XPC: variants seen among roughly 807,000 people sequenced by gnomAD.
The protein encoded by XPC is DNA repair protein complementing XP-C cells.
XPC carries 76 observed loss-of-function variants against 95.8 expected under a neutral mutation model. The ratio of observed to expected loss-of-function variants is 0.79; its 90% CI spans 0.66 to 0.96. The LOEUF (loss-of-function observed/expected upper bound fraction) is 0.96. Ranked by LOEUF, XPC falls within the 40% of genes least tolerant of loss-of-function variation. The pLI is 0.00. For missense variants in XPC, 1,146 were observed against 1,179.8 expected (o/e 0.97, Z 0.42); for synonymous variants, 442 against 442.1 (o/e 1.00, Z 0.00).
intron 15 of XPC, among the ~76,000 whole-genome samples, chr3:14,146,914 C>G (rs949958958): frequency 6.6e-6 from 1 of 152,190 alleles, no homozygotes; most frequent in South Asian, 2.1e-4. Flanking sequence ...AGGTACTGAG[C>G]GGGCCACTGC....
chr3:14,155,254 G>A lies in XPC; in HGVS notation c.2033+1081C>T, dbSNP rs559460585. ...GAGGACTCAAATCGCCCACTCTCAT[G>A]TGGGTTTCCCTACGCTTCCTTTTTC... On this transcript the variant is annotated intron_variant, in intron 10 of 15. Transcript: ENST00000285021. 3.3e-5 allele frequency among the ~76,000 whole-genome samples: 5 copies of A among 152,350 alleles called. No homozygotes were observed. In the East Asian group the frequency reaches 9.7e-4, roughly 29 times the overall value.
At chr3:14,170,577 T>A in intron 2 of XPC, 27 bp from the exon 3 acceptor site, 1 of 1,544,384 alleles carries the variant, frequency 6.5e-7, no homozygotes, top group Non-Finnish European at 8.8e-7. Flanking sequence ...GGAAGGAAGA[T>A]GAAGAAGACT....
chr3:14,165,793 A>T, intron 5 of XPC: 1 of 534,848 alleles, frequency 1.9e-6, no homozygotes, highest in Non-Finnish European at 3.3e-6. Context: ...CCTTCAAAGG[A>T]ATCATCAAAC....
In XPC at chr3:14,145,405, C is replaced by T. The variant is rs1695374451; in HGVS notation, c.*536G>A. The T allele has an allele frequency of 2.9e-6, 2 of 698,942 alleles. No homozygotes were observed. Among genetic ancestry groups the T allele is most frequent in the East Asian group, 5.4e-5 (2 of 37,238 alleles). 43.3% of individuals were successfully genotyped at this position (698,942 alleles called of 1,614,324 possible). A position where few individuals can be genotyped will look rare whatever the true frequency, so the allele number is the denominator to read the frequency against. Reference sequence around the variant, plus strand: ...GACCTGTACTTCTCTGCTCTCTCCCCTACTGCAAAGAGGCAGTGAGGGCAG... The same window carrying T: ...GACCTGTACTTCTCTGCTCTCTCCCTTACTGCAAAGAGGCAGTGAGGGCAG... On this transcript the variant is annotated 3_prime_UTR_variant, in exon 16 of 16. Transcript: ENST00000285021.
rs751336309 is a variant in XPC at position 14,178,581 on chromosome 3, G to C, written c.-13C>G. Reference sequence around the variant, plus strand: ...GTTTCCGAGCCATGTTGCTTGTCTGGGCAAATTCCACTTCGCGAGTGACGC... The same window carrying C: ...GTTTCCGAGCCATGTTGCTTGTCTGCGCAAATTCCACTTCGCGAGTGACGC... On this transcript the variant is annotated 5_prime_UTR_variant, in exon 1 of 16. Transcript: ENST00000285021. The C allele has an allele frequency of 1.9e-6, 3 of 1,612,412 alleles. No individual in the cohort carries two copies. Among genetic ancestry groups the C allele is most frequent in the Non-Finnish European group, 2.5e-6 (3 of 1,179,104 alleles).
chr3:14,149,039 T>C, intron 11 of XPC, 91 bp from the exon 12 acceptor site: 1 of 1,561,126 alleles, frequency 6.4e-7, no homozygotes, highest in East Asian at 2.3e-5. Flanking sequence ...GCATGCCTGG[T>C]ACCTGGTGAA....
At chr3:14,152,505 T>C in intron 10 of XPC, 89 bp from the exon 11 acceptor site, 1 of 1,315,720 alleles carries the variant, frequency 7.6e-7, no homozygotes, top group African/African-American at 1.5e-5. Context: ...CCCTGCAGGC[T>C]CCCTCCTCAG....
intron 15 of XPC, among the ~76,000 whole-genome samples, chr3:14,146,774 A>G (rs548370730): frequency 1.4e-4 from 22 of 152,358 alleles, no homozygotes; most frequent in Admixed American, 4.6e-4. Flanking sequence ...TGTGTCTGAC[A>G]CAGCACTGAC....
chr3:14,161,674 C>A (rs1008687043), intron 7 of XPC, among the ~76,000 whole-genome samples: 5 of 147,466 alleles, frequency 3.4e-5, no homozygotes. Flanking sequence ...TAGAAGGGAA[C>A]TGAGTCAACG....
chr3:14,148,363 C>T, intron 13 of XPC, 199 bp downstream of exon 13: 2 of 722,972 alleles, frequency 2.8e-6, no homozygotes, highest in Non-Finnish European at 2.2e-6. Context: ...ATTACGATGC[C>T]AGTTTCATTG....
At chr3:14,175,171 AAG>A (rs1696763249) in intron 1 of XPC, among the ~76,000 whole-genome samples, 1 of 151,938 alleles carries the variant, frequency 6.6e-6, no homozygotes, top group African/African-American at 2.4e-5. Flanking sequence ...ATTCCCTCCT[AAG>A]AGTGTTTAAA....
chr3:14,165,338 G>C, intron 6 of XPC, 90 bp downstream of exon 6: 1 of 1,443,334 alleles, frequency 6.9e-7, no homozygotes, highest in Non-Finnish European at 9.3e-7. Flanking sequence ...CCGCCTCAGG[G>C]AAGGTCTGTG....
chr3:14,145,690 G>A lies in XPC; in HGVS notation c.*251C>T. 1.4e-6 allele frequency: 1 copy of A among 699,880 alleles called. No homozygotes were observed. Among genetic ancestry groups the A allele is most frequent in the Non-Finnish European group, 2.6e-6 (1 of 385,230 alleles). 43.4% of individuals were successfully genotyped at this position (699,880 alleles called of 1,614,324 possible). A position where few individuals can be genotyped will look rare whatever the true frequency, so the allele number is the denominator to read the frequency against. Reference sequence around the variant, plus strand: ...GTGTTCTGTAGCTCAAAGGGTGAGTGGGCTTTGGTAGCAAAAAGCTTTGAA... The same window carrying A: ...GTGTTCTGTAGCTCAAAGGGTGAGTAGGCTTTGGTAGCAAAAAGCTTTGAA... On this transcript the variant is annotated 3_prime_UTR_variant, in exon 16 of 16. Coordinates refer to ENST00000285021, the MANE Select transcript of XPC (RefSeq NM_004628.5).
intron 2 of XPC, among the ~76,000 whole-genome samples, chr3:14,171,020 T>G (rs1244769872): frequency 6.6e-6 from 1 of 152,200 alleles, no homozygotes; most frequent in African/African-American, 2.4e-5. Flanking sequence ...CATAGCATTC[T>G]AACTTCAAGC....
chr3:14,156,903 C>T (rs144856683), intron 9 of XPC, among the ~76,000 whole-genome samples: 69 of 152,340 alleles, frequency 4.5e-4, no homozygotes, highest in African/African-American at 1.2e-3. Context: ...CTGAGAGCAG[C>T]GGTTCTCACC....
At chr3:14,165,071 A>C (rs1480385372) in intron 6 of XPC, 138 bp from the exon 7 acceptor site, 29 of 1,302,462 alleles carry the variant, frequency 2.2e-5, no homozygotes, top group Non-Finnish European at 3.0e-5. Flanking sequence ...CCGTCTAGCT[A>C]ACTCCTATCA....
chr3:14,173,918 T>G (rs1696711080), intron 1 of XPC, among the ~76,000 whole-genome samples: 1 of 152,170 alleles, frequency 6.6e-6, no homozygotes, highest in Non-Finnish European at 1.5e-5. Context: ...TACCTTTTAT[T>G]GAGGTTCCAA....
At chr3:14,152,684 C>T in intron 10 of XPC, 1 of 401,648 alleles carries the variant, frequency 2.5e-6, no homozygotes, top group East Asian at 5.0e-5. Flanking sequence ...CATAGGTTTT[C>T]TTCTCCTCTG....
chr3:14,153,721 G>C (rs746353829), intron 10 of XPC, among the ~76,000 whole-genome samples: 16 of 152,210 alleles, frequency 1.1e-4, no homozygotes, highest in Non-Finnish European at 1.9e-4. Context: ...AGCTTCCAAT[G>C]GGTTTATGGG....
Sources: gnomAD v4.1 joint callset for allele counts (sites outside exome capture counted in the v4.1 genomes callset) on GRCh38, gnomAD v4.1.1 for gene constraint, MANE v1.5 for transcripts, NCBI Gene and HGNC (gene_info 2026-07-23, HGNC 2026-07-21) for gene names.